BACH2: variants seen among roughly 807,000 people sequenced by gnomAD.
BACH2 encodes the protein BACH transcriptional regulator 2, also known as transcription regulator protein BACH2.
A neutral mutation model predicts 61.8 loss-of-function variants in BACH2; 5 were observed. That is an observed-to-expected ratio of 0.08 (90% CI 0.04 to 0.17). BACH2 has a LOEUF of 0.17. Among genes scored for constraint, BACH2 ranks in the 10% least tolerant of loss-of-function variants. BACH2 has a pLI of 1.00. For synonymous variants in BACH2, 446 were observed against 440.1 expected, an observed-to-expected ratio of 1.01 and a Z score of -0.17; for missense variants, 824 against 1,091.1, an observed-to-expected ratio of 0.76 and a Z score of 3.45.
intron 5 of BACH2, among the ~76,000 whole-genome samples, chr6:90,060,732 G>GA (rs1368957027): frequency 4.0e-5 from 6 of 151,572 alleles, no homozygotes; most frequent in East Asian, 3.9e-4. Flanking sequence ...CCCAATCTGT[G>GA]AAAAAAAACT....
intron 3 of BACH2, among the ~76,000 whole-genome samples, chr6:90,218,860 C>G (rs1187601296): frequency 6.6e-6 from 1 of 151,622 alleles, no homozygotes; most frequent in Non-Finnish European, 1.5e-5. Context: ...GTGAACGAGG[C>G]CTGTCAAATC....
intron 5 of BACH2, chr6:90,080,663 G>A (rs541477526): frequency 2.7e-6 from 2 of 743,824 alleles, no homozygotes; most frequent in East Asian, 1.3e-4. Flanking sequence ...GCAAACATAT[G>A]CAGGTAACAA....
Position 89,962,552 on chromosome 6 carries a change from G to A in BACH2, c.244-10690C>T, listed in dbSNP as rs192447565. On this transcript the variant is annotated intron_variant, in intron 6 of 8. Coordinates refer to ENST00000257749, the MANE Select transcript of BACH2 (RefSeq NM_021813.4). ...CATACATGTTCCCATAGTTGTTCGT[G>A]TTTTTCCAGTGTTTAAAATAAAACT... Among the ~76,000 whole-genome samples, 507 of 152,216 alleles carry A rather than the reference G, an allele frequency of 3.3e-3. 1 individual carries two copies. The highest frequency in any genetic ancestry group is 0.011 in the African/African-American group (464 of 41,540).
rs180793328 is a variant in BACH2 at position 90,160,338 on chromosome 6, G to A, written c.-162+46231C>T. Among the ~76,000 whole-genome samples the A allele has an allele frequency of 1.2e-4, 19 of 152,320 alleles. No homozygotes were observed. The East Asian group carries it at 3.5e-3, about 28-fold the overall frequency. ...GATGAGGCCCTTTGTGTATGTGCAT[G>A]TGTGGGCTGTAGGGGACAGGAATCA... is the stretch of plus-strand genomic sequence containing the variant. On this transcript the variant is annotated intron_variant, in intron 4 of 8. Coordinates refer to ENST00000257749, the MANE Select transcript of BACH2 (RefSeq NM_021813.4).
chr6:90,190,767 T>G (rs1226744324), intron 4 of BACH2, among the ~76,000 whole-genome samples: 2 of 152,218 alleles, frequency 1.3e-5, no homozygotes, highest in East Asian at 3.8e-4. Flanking sequence ...TTGTATTCAC[T>G]TCCCAGCATT....
chr6:90,213,657 T>C (rs1453793116), intron 3 of BACH2, among the ~76,000 whole-genome samples: 3 of 152,236 alleles, frequency 2.0e-5, no homozygotes, highest in Admixed American at 6.5e-5. Flanking sequence ...AAATTCTTTA[T>C]ATCTCTGGAG....
intron 5 of BACH2, among the ~76,000 whole-genome samples, chr6:90,067,312 G>C (rs1781011378): frequency 6.6e-6 from 1 of 152,212 alleles, no homozygotes; most frequent in Non-Finnish European, 1.5e-5. Flanking sequence ...TTGCAAGGTG[G>C]AAGGTGAGGC....
At chr6:90,169,420 C>G (rs1767738723) in intron 4 of BACH2, among the ~76,000 whole-genome samples, 1 of 152,198 alleles carries the variant, frequency 6.6e-6, no homozygotes, top group African/African-American at 2.4e-5. Context: ...TCCTCCTATT[C>G]TGACCCCCTC....
chr6:90,137,991 G>A (rs186551544), intron 4 of BACH2, among the ~76,000 whole-genome samples: 23 of 152,032 alleles, frequency 1.5e-4, no homozygotes, highest in Non-Finnish European at 2.5e-4. Flanking sequence ...TGGTGACAGC[G>A]ATGACTTCGC....
intron 6 of BACH2, among the ~76,000 whole-genome samples, chr6:89,960,759 G>A (rs989458737): frequency 3.3e-5 from 5 of 152,212 alleles, no homozygotes; most frequent in Admixed American, 6.5e-5. Context: ...CCCTTCTGGC[G>A]GGGTGCCACA....
At chr6:90,163,293 T>C (rs1767466356) in intron 4 of BACH2, among the ~76,000 whole-genome samples, 1 of 152,128 alleles carries the variant, frequency 6.6e-6, no homozygotes, top group Non-Finnish European at 1.5e-5. Context: ...ACTTCTCCTC[T>C]GATATAAGTG....
At chr6:90,267,701 T>A (rs1267824772) in intron 2 of BACH2, among the ~76,000 whole-genome samples, 1 of 152,162 alleles carries the variant, frequency 6.6e-6, no homozygotes, top group East Asian at 1.9e-4. Flanking sequence ...ATTATGCAAC[T>A]GTTAAAAAGA....
chr6:90,096,659 C>A (rs1022621109), intron 4 of BACH2, among the ~76,000 whole-genome samples: 1 of 152,136 alleles, frequency 6.6e-6, no homozygotes, highest in Non-Finnish European at 1.5e-5. Context: ...AGAGACATTG[C>A]CCTGGGGATC....
intron 4 of BACH2, among the ~76,000 whole-genome samples, chr6:90,168,074 G>C (rs1461799933): frequency 6.6e-6 from 1 of 152,196 alleles, no homozygotes; most frequent in Non-Finnish European, 1.5e-5. Flanking sequence ...TAAAAGTAAA[G>C]TAGGCCTGGT....
Position 90,075,839 on chromosome 6 carries a change from C to A in BACH2, c.-13+13122G>T, listed in dbSNP as rs140388176. ...CTATCCATTCAGGAGAAGACACTTG[C>A]TTTTTAGTTAAAAAATGACTGTGAC... On this transcript the variant is annotated intron_variant, in intron 5 of 8. Coordinates refer to ENST00000257749, the MANE Select transcript of BACH2 (RefSeq NM_021813.4). 2.2e-3 allele frequency among the ~76,000 whole-genome samples: 334 copies of A among 152,220 alleles called. 2 individuals carry two copies. Among genetic ancestry groups the A allele is most frequent in the Middle Eastern group, 0.017 (5 of 294 alleles).
intron 5 of BACH2, among the ~76,000 whole-genome samples, chr6:90,033,605 C>G (rs1233943393): frequency 6.6e-6 from 1 of 152,028 alleles, no homozygotes; most frequent in Non-Finnish European, 1.5e-5. Context: ...TTCTGAGCAG[C>G]TTAGCAAAGA....
intron 3 of BACH2, among the ~76,000 whole-genome samples, chr6:90,219,269 T>A (rs1582500172): frequency 6.6e-6 from 1 of 152,102 alleles, no homozygotes. Context: ...ACTGTAACAA[T>A]CTGTAATATG....
chr6:89,950,755 C>A lies in BACH2; in HGVS notation c.1351G>T (p.Val451Leu), dbSNP rs756052899. The change falls in exon 7 of 9, where the codon GTG becomes TTG. Residue 451 changes from valine (V) to leucine (L), a missense_variant. By Grantham distance (32) the Val-to-Leu change is conservative. Around this residue, in one of 8 missense-constraint regions of BACH2, gnomAD observed 102 missense variants for 98.1 expected, o/e 1.04. Transcript: ENST00000257749. The surrounding 1 kb of genome is among the most constrained non-coding windows in gnomAD (Gnocchi z 5.3). ...VSTSVHSYSG[V>L]SSLDKDLSEP... The stretch of plus-strand genomic sequence containing the variant: ...GAGAGGTCTTTGTCCAAACTGCTCA[C>A]CCCAGAATAAGAATGCACCGAGGTG... 1.8e-5 allele frequency: 29 copies of A among 1,614,044 alleles called. No homozygotes were observed. The East Asian group carries it at 6.0e-4, about 33-fold the overall frequency.
rs71027920 is a variant in BACH2, at chr6:90,065,270, CTTTTTTTTTTT to C, written c.-13+23680_-13+23690del. On this transcript the variant is annotated intron_variant, in intron 5 of 8. Transcript: ENST00000257749. ...GCCACCCCACCCCCTGCCGCCCCCA[CTTTTTTTTTTT>C]TTTTTTTTTTTTTTTTTTACCCCTG... Among the ~76,000 whole-genome samples the C allele has an allele frequency of 9.9e-3, 522 of 52,682 alleles. 4 individuals are homozygous for C. The highest frequency in any genetic ancestry group is 0.031 in the African/African-American group (466 of 14,932). The allele number at this position is 52,682 out of a possible 152,430, so 34.6% of individuals were successfully genotyped here.
Sources: gnomAD v4.1 joint callset for allele counts (sites outside exome capture counted in the v4.1 genomes callset) on GRCh38, gnomAD v4.1.1 for gene constraint, gnomAD v4.1.1 regional missense constraint, Gnocchi (gnomAD v3.1) non-coding constraint, MANE v1.5 for transcripts, NCBI Gene and HGNC (gene_info 2026-07-23, HGNC 2026-07-21) for gene names.